Variants in NPM1 observed in about 807,000 individuals in gnomAD.
NPM1 encodes the protein nucleophosmin 1, also known as nucleophosmin.
Under a neutral mutation model 44.1 loss-of-function variants are expected in NPM1, and 1 was observed. That is an observed-to-expected ratio of 0.02 (90% CI 0.01 to 0.11). The LOEUF (loss-of-function observed/expected upper bound fraction) is 0.11, where lower values mean the gene tolerates loss of function less well. Among genes scored for constraint, NPM1 ranks in the 10% least tolerant of loss-of-function variants. The pLI, the probability that NPM1 is intolerant of heterozygous loss-of-function variation, is 1.00. For missense variants in NPM1, 197 were observed against 347.8 expected (o/e 0.57, Z 3.45); for synonymous variants, 126 against 111.8 (o/e 1.13, Z -0.80).
chr5:171,392,279 G>A (rs1288439812), intron 4 of NPM1, among the ~76,000 whole-genome samples: 1 of 152,126 alleles, frequency 6.6e-6, no homozygotes, highest in South Asian at 2.1e-4. Context: ...TCATTATAAC[G>A]GCTGGAGTGC....
At chr5:171,407,801 TAA>T in intron 10 of NPM1, 27 bp downstream of exon 10, 1 of 1,421,496 alleles carries the variant, frequency 7.0e-7, no homozygotes, top group Non-Finnish European at 9.9e-7. Flanking sequence ...GGGACATGAT[TAA>T]ATCCAAGTTT....
chr5:171,387,804 C>G (rs1173666267), upstream of NPM1: 1 of 744,304 alleles, frequency 1.3e-6, no homozygotes, highest in African/African-American at 1.8e-5. Context: ...GGGAAGCGCT[C>G]GCGAGATCTT....
intron 1 of NPM1, 48 bp downstream of exon 1, chr5:171,388,054 G>C: frequency 2.1e-6 from 3 of 1,442,744 alleles, no homozygotes; most frequent in Non-Finnish European, 2.9e-6. Context: ...GCCTGGTGGC[G>C]GTGAGGGTGG....
Position 171,390,243 on chromosome 5 carries a change from T to C in NPM1, c.138+113T>C. 4 of 578,076 alleles carry C rather than the reference T, an allele frequency of 6.9e-6. No individual in the cohort carries two copies. The South Asian group carries it at 1.0e-4, about 14-fold the overall frequency. The allele number at this position is 578,076 out of a possible 1,614,324, so 35.8% of individuals were successfully genotyped here. A position where few individuals can be genotyped will look rare whatever the true frequency, so the allele number is the denominator to read the frequency against. ...TTGCTGACTGCTTATAAAATACTAT[T>C]TCTTACACCTGGGTATTGTGTGTAC... On this transcript the variant is annotated intron_variant, in intron 2 of 10. Coordinates refer to ENST00000296930, the MANE Select transcript of NPM1 (RefSeq NM_002520.7).
chr5:171,399,231 C>G (rs780715842), intron 6 of NPM1, among the ~76,000 whole-genome samples: 31 of 151,716 alleles, frequency 2.0e-4, no homozygotes, highest in Non-Finnish European at 4.0e-4. Flanking sequence ...TGCATTTGGC[C>G]TCTTTGGGTC....
intron 8 of NPM1, among the ~76,000 whole-genome samples, chr5:171,405,046 T>C (rs926021554): frequency 3.9e-5 from 6 of 152,148 alleles, no homozygotes; most frequent in Non-Finnish European, 8.8e-5. Context: ...TAAGCAATCC[T>C]CCTGCCTTAG....
chr5:171,395,142 C>T (rs1020991745), intron 6 of NPM1, among the ~76,000 whole-genome samples: 2 of 152,078 alleles, frequency 1.3e-5, no homozygotes, highest in Admixed American at 1.3e-4. Flanking sequence ...AATGCGCCAC[C>T]GTGTTCCATC....
intron 6 of NPM1, among the ~76,000 whole-genome samples, chr5:171,394,033 T>C (rs1345189974): frequency 8.9e-6 from 1 of 112,068 alleles, no homozygotes; most frequent in Non-Finnish European, 1.9e-5. Flanking sequence ...TGTTGCTGTT[T>C]TTGTTTTCTT....
At chr5:171,394,802 A>G (rs942321197) in intron 6 of NPM1, among the ~76,000 whole-genome samples, 6 of 152,302 alleles carry the variant, frequency 3.9e-5, no homozygotes, top group East Asian at 1.9e-4. Flanking sequence ...GGGACAAGCA[A>G]TCCCTTCCAG....
chr5:171,404,242 C>G (rs1389353358), intron 8 of NPM1, among the ~76,000 whole-genome samples: 1 of 109,008 alleles, frequency 9.2e-6, no homozygotes, highest in African/African-American at 3.6e-5. Flanking sequence ...TTGACCCCCC[C>G]CCACCTCCCT....
At chr5:171,405,671 A>G in intron 9 of NPM1, 1 of 395,672 alleles carries the variant, frequency 2.5e-6, no homozygotes, top group Non-Finnish European at 4.5e-6. Flanking sequence ...CTGACCTTCC[A>G]TGTTAAAATA....
intron 8 of NPM1, among the ~76,000 whole-genome samples, chr5:171,402,080 A>C (rs1176649379): frequency 6.9e-6 from 1 of 144,162 alleles, no homozygotes; most frequent in African/African-American, 2.6e-5. Flanking sequence ...AACCTGATGA[A>C]ATAGTTTATT....
intron 8 of NPM1, among the ~76,000 whole-genome samples, chr5:171,402,731 T>TAA (rs1304681978): frequency 2.2e-5 from 3 of 138,238 alleles, no homozygotes; most frequent in Non-Finnish European, 4.7e-5. Context: ...GTTCTGTTGA[T>TAA]AGTGAATTCT....
chr5:171,390,588 A>G (rs1462419559), intron 2 of NPM1, among the ~76,000 whole-genome samples: 1 of 152,220 alleles, frequency 6.6e-6, no homozygotes, highest in African/African-American at 2.4e-5. Context: ...TTTCCAGGGT[A>G]ATAGTGAGAG....
At chr5:171,395,834 T>G (rs1770851886) in intron 6 of NPM1, among the ~76,000 whole-genome samples, 3 of 152,228 alleles carry the variant, frequency 2.0e-5, no homozygotes, top group Non-Finnish European at 2.9e-5. Context: ...ACTCTTGATT[T>G]AAGCAAGAAA....
At chr5:171,403,405 T>A (rs1267194380) in intron 8 of NPM1, among the ~76,000 whole-genome samples, 2 of 110,442 alleles carry the variant, frequency 1.8e-5, no homozygotes, top group South Asian at 3.2e-4. Flanking sequence ...CATGTCTACT[T>A]CTTTCTACAC....
In NPM1 at chr5:171,410,507, TTC is replaced by T; in HGVS notation, c.847-18_847-17del. On this transcript the variant is annotated intron_variant, in intron 10 of 10. Transcript: ENST00000296930. ...AAGTGTTGTGGTTCCTTAACCACATTTCTTTTTTTTTTTTTCCAGGCTATTCA... is the reference window on the plus strand; with the variant it reads ...AAGTGTTGTGGTTCCTTAACCACATTTTTTTTTTTTTTTCCAGGCTATTCA... The T allele has an allele frequency of 6.5e-7, 1 of 1,527,788 alleles. No individual in the cohort carries two copies. The highest frequency in any genetic ancestry group is 1.4e-5 in the African/African-American group (1 of 71,070). The allele number at this position is 1,527,788 out of a possible 1,614,324, so 94.6% of individuals were successfully genotyped here. A position where few individuals can be genotyped will look rare whatever the true frequency, so the allele number is the denominator to read the frequency against.
Position 171,400,145 on chromosome 5 carries a change from A to C in NPM1, c.525-8A>C. ...AAAGTGCTTAATGTCTTGACATTTC[A>C]TTTGTAGTGATGATGATGATGATTT... On this transcript the variant is annotated splice_polypyrimidine_tract_variant and splice_region_variant and intron_variant, in intron 6 of 10. Coordinates refer to ENST00000296930, the MANE Select transcript of NPM1 (RefSeq NM_002520.7). 6.7e-7 allele frequency: 1 copy of C among 1,491,262 alleles called. No homozygotes were observed. 92.4% of individuals were successfully genotyped at this position (1,491,262 alleles called of 1,614,324 possible).
chr5:171,407,801 T>G lies in NPM1; in HGVS notation c.846+27T>G, dbSNP rs761871940. ...TAACTGGATTTTCTGGGGACATGAT[T>G]AAATCCAAGTTTTTTTGTGATTTAT... On this transcript the variant is annotated intron_variant, in intron 10 of 10. Transcript: ENST00000296930. The G allele has an allele frequency of 2.8e-6, 4 of 1,421,496 alleles. No homozygotes were observed. The East Asian group carries it at 9.1e-5, about 32-fold the overall frequency. 88.1% of individuals were successfully genotyped at this position (1,421,496 alleles called of 1,614,324 possible). A position where few individuals can be genotyped will look rare whatever the true frequency, so the allele number is the denominator to read the frequency against.
Sources: gnomAD v4.1 joint callset for allele counts (sites outside exome capture counted in the v4.1 genomes callset) on GRCh38, gnomAD v4.1.1 for gene constraint, MANE v1.5 for transcripts, NCBI Gene and HGNC (gene_info 2026-07-23, HGNC 2026-07-21) for gene names.